Variants in ATG10 observed in about 807,000 individuals in gnomAD.
ATG10 encodes ubiquitin-like-conjugating enzyme ATG10.
Under a neutral mutation model 32.1 loss-of-function variants are expected in ATG10, and 30 were observed. The observed-to-expected ratio is 0.94, with a 90% CI of 0.70 to 1.27. ATG10 has a LOEUF of 1.27. ATG10 is among the 50% of genes most tolerant of loss of function. The pLI is 0.00. For synonymous variants in ATG10, 87 were observed against 91.5 expected (o/e 0.95, Z 0.28); for missense variants, 233 against 262.3 (o/e 0.89, Z 0.77).
intron 5 of ATG10, among the ~76,000 whole-genome samples, chr5:82,250,067 C>G (rs910922017): frequency 1.3e-5 from 2 of 152,184 alleles, no homozygotes; most frequent in Non-Finnish European, 2.9e-5. Context: ...GATTATACCT[C>G]TTTATTCCTT....
intron 3 of ATG10, among the ~76,000 whole-genome samples, chr5:82,116,159 G>C (rs969748614): frequency 5.3e-5 from 8 of 152,022 alleles, no homozygotes; most frequent in African/African-American, 1.9e-4. Context: ...TTGTCCAGAA[G>C]GGGCTGTTGA....
intron 2 of ATG10, among the ~76,000 whole-genome samples, chr5:81,995,997 GC>G (rs1443638112): frequency 6.6e-6 from 1 of 152,116 alleles, no homozygotes; most frequent in African/African-American, 2.4e-5. Context: ...ATAACTAGTT[GC>G]GATTCTGCTG....
intron 5 of ATG10, among the ~76,000 whole-genome samples, chr5:82,235,942 C>G (rs998557759): frequency 2.0e-5 from 3 of 152,132 alleles, no homozygotes; most frequent in Non-Finnish European, 4.4e-5. Context: ...ACAAGTTCTT[C>G]ATTAGTAATT....
chr5:81,998,118 A>G lies in ATG10; in HGVS notation c.108+10440A>G, dbSNP rs77651119. On this transcript the variant is annotated intron_variant, in intron 2 of 7. Transcript: ENST00000282185. ...CCCCAAGGTTGAAATGAAAGACAAT[A>G]TTTTAAAGGCAGCTAGAGAGAAGGG... Among the ~76,000 whole-genome samples, 263 of 152,330 alleles carry G rather than the reference A, an allele frequency of 1.7e-3. 3 individuals are homozygous for G. The highest frequency in any genetic ancestry group is 6.1e-3 in the African/African-American group (253 of 41,568).
chr5:82,159,993 TTGATATAATCCAC>T, intron 3 of ATG10, among the ~76,000 whole-genome samples: 1 of 152,270 alleles, frequency 6.6e-6, no homozygotes, highest in Admixed American at 6.5e-5. Context: ...GATGTTGACA[TTGATATAATCCAC>T]TGACCTTATT....
intron 5 of ATG10, among the ~76,000 whole-genome samples, chr5:82,227,596 G>A (rs1433475790): frequency 6.6e-6 from 1 of 151,870 alleles, no homozygotes; most frequent in Non-Finnish European, 1.5e-5. Context: ...GGATGGTCTC[G>A]AACTCCCAAC....
intron 3 of ATG10, among the ~76,000 whole-genome samples, chr5:82,121,186 G>A (rs1227511764): frequency 6.6e-6 from 1 of 152,160 alleles, no homozygotes; most frequent in Non-Finnish European, 1.5e-5. Context: ...GGGAACTCCT[G>A]AGGTGGTCAT....
At chr5:82,083,164 C>T (rs899535343) in intron 3 of ATG10, among the ~76,000 whole-genome samples, 5 of 152,188 alleles carry the variant, frequency 3.3e-5, no homozygotes, top group African/African-American at 7.2e-5. Flanking sequence ...TCTTAGCAAA[C>T]GGCACACCAG....
chr5:81,973,250 CT>C (rs1430668992), intron 1 of ATG10: 1 of 152,336 alleles, frequency 6.6e-6, no homozygotes, highest in Non-Finnish European at 1.5e-5. Flanking sequence ...CTGCCTCAGC[CT>C]CCCGAGTTGC....
intron 5 of ATG10, among the ~76,000 whole-genome samples, chr5:82,235,108 G>A (rs911208244): frequency 6.6e-6 from 1 of 152,090 alleles, no homozygotes; most frequent in South Asian, 2.1e-4. Flanking sequence ...TTGCAGTGGC[G>A]GGGAGGGTGC....
At chr5:82,068,569 G>GAA (rs144537613) in intron 3 of ATG10, among the ~76,000 whole-genome samples, 3 of 141,468 alleles carry the variant, frequency 2.1e-5, no homozygotes, top group Non-Finnish European at 3.1e-5. Flanking sequence ...ATTCTTATCT[G>GAA]AAAAAAAAAA....
At chr5:82,088,867 A>G (rs947625231) in intron 3 of ATG10, among the ~76,000 whole-genome samples, 1 of 152,164 alleles carries the variant, frequency 6.6e-6, no homozygotes, top group Non-Finnish European at 1.5e-5. Flanking sequence ...AAGAAATTAG[A>G]TAGACGGATT....
At chr5:82,077,784 T>A (rs1764328104) in intron 3 of ATG10, among the ~76,000 whole-genome samples, 1 of 152,254 alleles carries the variant, frequency 6.6e-6, no homozygotes, top group African/African-American at 2.4e-5. Context: ...ATTTGATTGA[T>A]GCTTTAGAAA....
At chr5:82,220,227 CAGA>C (rs1395651782) in intron 5 of ATG10, among the ~76,000 whole-genome samples, 1 of 151,564 alleles carries the variant, frequency 6.6e-6, no homozygotes, top group Non-Finnish European at 1.5e-5. Flanking sequence ...GGGAGCATGG[CAGA>C]AGGTCAGGGA....
At chr5:82,114,903 A>G (rs749321700) in intron 3 of ATG10, among the ~76,000 whole-genome samples, 1 of 152,122 alleles carries the variant, frequency 6.6e-6, no homozygotes, top group African/African-American at 2.4e-5. Context: ...GTATTTTTAC[A>G]GTACAATATG....
intron 3 of ATG10, among the ~76,000 whole-genome samples, chr5:82,151,692 C>T (rs1313807094): frequency 6.6e-6 from 1 of 150,780 alleles, no homozygotes; most frequent in East Asian, 1.9e-4. Flanking sequence ...AAAATTGGCT[C>T]TCCAAATTTA....
At position 82,058,484 on chromosome 5, in the gene ATG10, A is replaced by G; in HGVS notation, c.109-11A>G. The G allele has an allele frequency of 6.3e-7, 1 of 1,583,348 alleles. No individual in the cohort carries two copies. The highest frequency in any genetic ancestry group is 8.6e-7 in the Non-Finnish European group (1 of 1,161,180). On this transcript the variant is annotated splice_polypyrimidine_tract_variant and intron_variant, in intron 2 of 7. Transcript: ENST00000282185. ...GCATTTTCTTATATATTTTTTGGTG[A>G]TGAAACACAGGACTGTTCTGATGGC... is the stretch of plus-strand genomic sequence containing the variant.
rs1047173730 is a variant in ATG10 at position 82,255,806 on chromosome 5, A to G, written c.*1743A>G. 3.9e-5 allele frequency: 6 copies of G among 152,256 alleles called. No homozygotes were observed. Among genetic ancestry groups the G allele is most frequent in the African/African-American group, 1.4e-4 (6 of 41,452 alleles). The allele number at this position is 152,256 out of a possible 1,614,324, so 9.4% of individuals were successfully genotyped here. The stretch of plus-strand genomic sequence containing the variant: ...AGGTGAGGACATCATTCACCAGTGG[A>G]TCACCGAGCACCGTGACAGCACCCT... On this transcript the variant is annotated 3_prime_UTR_variant, in exon 8 of 8. Transcript: ENST00000282185.
At chr5:82,030,090 C>T (rs1762703900) in intron 2 of ATG10, among the ~76,000 whole-genome samples, 1 of 152,088 alleles carries the variant, frequency 6.6e-6, no homozygotes, top group African/African-American at 2.4e-5. Flanking sequence ...GTTCTTATGG[C>T]CTGAGGCTTC....
Sources: allele counts gnomAD v4.1 joint callset (sites outside exome capture counted in the v4.1 genomes callset), GRCh38; gene constraint gnomAD v4.1.1; transcripts MANE v1.5; gene names NCBI Gene and HGNC (gene_info 2026-07-23, HGNC 2026-07-21).